The following COPG2 variants were observed in gnomAD, a reference collection of about 807,000 sequenced individuals.
COPG2 encodes the protein coatomer subunit gamma-2.
A neutral mutation model predicts 46.3 loss-of-function variants in COPG2; 37 were observed. The observed-to-expected ratio is 0.80, with a 90% confidence interval of 0.61 to 1.05. The LOEUF (loss-of-function observed/expected upper bound fraction) is 1.05, where lower values mean the gene tolerates loss of function less well. COPG2 is among the 50% of genes least tolerant of loss of function. The pLI, the probability that COPG2 is intolerant of heterozygous loss-of-function variation, is 0.00. For synonymous variants in COPG2, 159 were observed against 129.7 expected, an observed-to-expected ratio of 1.23 and a Z score of -1.53; for missense variants, 427 against 387.8, an observed-to-expected ratio of 1.10 and a Z score of -0.85.
chr7:130,593,351 C>T (rs1309464696), intron 9 of COPG2, among the ~76,000 whole-genome samples: 1 of 152,112 alleles, frequency 6.6e-6, no homozygotes, highest in Non-Finnish European at 1.5e-5. Flanking sequence ...TTATTAATGG[C>T]CTTGGTGAGA....
chr7:130,588,038 T>G lies in COPG2; in HGVS notation c.737+22915A>C, dbSNP rs553158635. On this transcript the variant is annotated intron_variant, in intron 9 of 23. Coordinates refer to ENST00000425248, the MANE Select transcript of COPG2 (RefSeq NM_012133.6). ...GACATTTATGCAACCAAAAAACACATGAAAAAATGCTCACCATCACTGGCC... is the reference window on the plus strand; with the variant it reads ...GACATTTATGCAACCAAAAAACACAGGAAAAAATGCTCACCATCACTGGCC... Among the ~76,000 whole-genome samples the G allele has an allele frequency of 2.0e-5, 3 of 151,496 alleles. No individual in the cohort carries two copies. The South Asian group carries it at 6.3e-4, about 32-fold the overall frequency.
At chr7:130,571,270 G>A (rs557196620) in intron 9 of COPG2, among the ~76,000 whole-genome samples, 1 of 152,276 alleles carries the variant, frequency 6.6e-6, no homozygotes, top group East Asian at 1.9e-4. Flanking sequence ...CCCACAGAGT[G>A]GGAGAAAAGC....
chr7:130,524,317 G>C (rs1799754277), intron 20 of COPG2, among the ~76,000 whole-genome samples: 1 of 152,092 alleles, frequency 6.6e-6, no homozygotes, highest in Non-Finnish European at 1.5e-5. Flanking sequence ...ACTTAGGCCA[G>C]TGGGAGAATC....
intron 9 of COPG2, among the ~76,000 whole-genome samples, chr7:130,565,737 A>G (rs1253118433): frequency 6.6e-6 from 1 of 152,196 alleles, no homozygotes; most frequent in Non-Finnish European, 1.5e-5. Flanking sequence ...AAAGTGACAG[A>G]AATGATTTTT....
chr7:130,523,082 C>G (rs1799738431), intron 20 of COPG2, among the ~76,000 whole-genome samples: 2 of 124,360 alleles, frequency 1.6e-5, no homozygotes, highest in African/African-American at 6.1e-5. Context: ...CGCACCACTG[C>G]ACTCCAGCCT....
At chr7:130,638,023 G>A (rs1795380573) in intron 5 of COPG2, among the ~76,000 whole-genome samples, 2 of 152,190 alleles carry the variant, frequency 1.3e-5, no homozygotes, top group African/African-American at 4.8e-5. Flanking sequence ...GTCCACTCCA[G>A]ACCCTGTTTG....
chr7:130,665,404 A>G (rs1554461284), intron 3 of COPG2, among the ~76,000 whole-genome samples: 1 of 152,198 alleles, frequency 6.6e-6, no homozygotes, highest in African/African-American at 2.4e-5. Flanking sequence ...GTGTATAGAC[A>G]TATATAGTCA....
intron 7 of COPG2, 108 bp downstream of exon 7, chr7:130,613,436 A>C (rs553067387): frequency 2.7e-6 from 2 of 744,196 alleles, no homozygotes; most frequent in Admixed American, 4.6e-5. Flanking sequence ...ATAGAGGTGT[A>C]TACATATTTT....
At chr7:130,519,229 T>G (rs1034874668) in intron 20 of COPG2, among the ~76,000 whole-genome samples, 1 of 151,956 alleles carries the variant, frequency 6.6e-6, no homozygotes, top group South Asian at 2.1e-4. Context: ...ATACCAACCA[T>G]GGGAGAAAAG....
chr7:130,644,385 G>C (rs1795551892), intron 5 of COPG2, among the ~76,000 whole-genome samples: 1 of 152,158 alleles, frequency 6.6e-6, no homozygotes. Flanking sequence ...TCAGACCATA[G>C]TAGAAAGTTA....
In COPG2 at chr7:130,612,171, C is replaced by T. The variant is rs1794862669; in HGVS notation, c.560G>A (p.Ser187Asn). 6.2e-7 allele frequency: 1 copy of T among 1,610,840 alleles called. No homozygotes were observed. Among genetic ancestry groups the T allele is most frequent in the South Asian group, 1.1e-5 (1 of 90,864 alleles). Reference sequence around the variant, plus strand: ...CAATACCTGGACCATAATATTATCACTTGATGCAGCTTCTTGGGCTTCATT... The same window carrying T: ...CAATACCTGGACCATAATATTATCATTTGATGCAGCTTCTTGGGCTTCATT... ...WINEAQEAAS[S>N]DNIMVQYHAL... The change falls in exon 8 of 24, where the codon AGT (serine) becomes AAT (asparagine). Residue 187 changes from serine (S) to asparagine (N), a missense_variant. Ser to Asn is a conservative substitution (Grantham distance 46). Transcript: ENST00000425248.
intron 20 of COPG2, among the ~76,000 whole-genome samples, chr7:130,529,568 C>T (rs905419945): frequency 5.9e-5 from 9 of 152,096 alleles, no homozygotes; most frequent in African/African-American, 1.9e-4. Flanking sequence ...TCTCAGGATA[C>T]GTTGGTGGTA....
At chr7:130,554,183 A>AAATAT (rs1793579592) in intron 14 of COPG2, among the ~76,000 whole-genome samples, 1 of 152,136 alleles carries the variant, frequency 6.6e-6, no homozygotes, top group East Asian at 1.9e-4. Context: ...GTCGCTTAAA[A>AAATAT]ATATATATAT....
chr7:130,616,576 C>T (rs538741993), intron 6 of COPG2, among the ~76,000 whole-genome samples: 13 of 152,022 alleles, frequency 8.6e-5, no homozygotes, highest in Non-Finnish European at 1.5e-4. Flanking sequence ...GGCGAAAGCA[C>T]GAGACTCCGA....
At chr7:130,577,468 A>C (rs1554446410) in intron 9 of COPG2, among the ~76,000 whole-genome samples, 2 of 152,226 alleles carry the variant, frequency 1.3e-5, no homozygotes. Flanking sequence ...GACCGGCTTA[A>C]AAAACAGCCC....
Position 130,616,973 on chromosome 7 carries a change from T to C in COPG2, c.399+17A>G. 6.4e-6 allele frequency: 10 copies of C among 1,569,796 alleles called. No individual in the cohort carries two copies. The highest frequency in any genetic ancestry group is 8.7e-6 in the Non-Finnish European group (10 of 1,143,178). On this transcript the variant is annotated intron_variant, in intron 6 of 23. Coordinates refer to ENST00000425248, the MANE Select transcript of COPG2 (RefSeq NM_012133.6). ...CATAGTGTTCCATTTGGTAACTCAG[T>C]GAAACAGATAACTTACATCGGTGAT... is the stretch of plus-strand genomic sequence containing the variant.
chr7:130,583,264 G>A (rs1202515189), intron 9 of COPG2, among the ~76,000 whole-genome samples: 10 of 146,164 alleles, frequency 6.8e-5, no homozygotes, highest in East Asian at 2.1e-4. Context: ...ACCAAACACC[G>A]CAGATTCTCA....
At chr7:130,620,588 T>C (rs1181559695) in intron 5 of COPG2, among the ~76,000 whole-genome samples, 1 of 152,222 alleles carries the variant, frequency 6.6e-6, no homozygotes, top group East Asian at 1.9e-4. Context: ...ATATAATTGT[T>C]ATTCTATGCC....
chr7:130,589,698 C>T (rs955772226), intron 9 of COPG2, among the ~76,000 whole-genome samples: 6 of 152,174 alleles, frequency 3.9e-5, no homozygotes, highest in African/African-American at 1.4e-4. Context: ...CTAGATACTA[C>T]AAAACACTTT....
Sources: allele counts gnomAD v4.1 joint callset (sites outside exome capture counted in the v4.1 genomes callset), GRCh38; gene constraint gnomAD v4.1.1; transcripts MANE v1.5; gene names NCBI Gene and HGNC (gene_info 2026-07-23, HGNC 2026-07-21).